The following EPN1 variants were observed in gnomAD, a reference collection of about 807,000 sequenced individuals.
EPN1 encodes epsin 1.
Under a neutral mutation model 56.9 loss-of-function variants are expected in EPN1, and 25 were observed. The observed-to-expected ratio is 0.44, with a 90% CI of 0.32 to 0.61. The LOEUF (loss-of-function observed/expected upper bound fraction) is 0.61. Among genes scored for constraint, EPN1 ranks in the 20% least tolerant of loss-of-function variants. The probability of loss-of-function intolerance (pLI) is 0.05; values close to 1 mark genes in which losing one functional copy is unlikely to be tolerated. For synonymous variants in EPN1, 411 were observed against 361.8 expected (o/e 1.14, Z -1.54); for missense variants, 785 against 823.7 (o/e 0.95, Z 0.58).
In EPN1 at chr19:55,709,123, C is replaced by T. The variant is rs1359863199; in HGVS notation, c.*13767C>T. The T allele has an allele frequency of 1.5e-5, 14 of 913,826 alleles. No individual in the cohort carries two copies. The highest frequency in any genetic ancestry group is 1.4e-4 in the East Asian group (5 of 34,522). 56.6% of individuals were successfully genotyped at this position (913,826 alleles called of 1,614,324 possible). On this transcript the variant is annotated 3_prime_UTR_variant, in exon 11 of 11. Transcript: ENST00000270460. ...TGCCTCTCTACATTCTGATGTCTAC[C>T]TCTCCTCTCCTCTTTATTCTTTCCT... is the stretch of plus-strand genomic sequence containing the variant.
In EPN1 at chr19:55,694,566, C is replaced by T. The variant is rs1568580780; in HGVS notation, c.1265-160C>T. ...ATCTGGGCTGACGTGAGGTTTTGGC[C>T]TGGGCAAGCGATGCTTCCGCTCTGC... On this transcript the variant is annotated intron_variant, in intron 9 of 10. Coordinates refer to ENST00000270460, the MANE Select transcript of EPN1 (RefSeq NM_001130072.2). The surrounding 1 kb of genome is among the most constrained non-coding windows in gnomAD (Gnocchi z 4.2). 2 of 872,620 alleles carry T rather than the reference C, an allele frequency of 2.3e-6. No homozygotes were observed. The highest frequency in any genetic ancestry group is 3.2e-6 in the Non-Finnish European group (2 of 615,438). The allele number at this position is 872,620 out of a possible 1,614,324, so 54.1% of individuals were successfully genotyped here.
intron 2 of EPN1, among the ~76,000 whole-genome samples, chr19:55,682,424 AGTT>A: frequency 6.7e-6 from 1 of 149,682 alleles, no homozygotes; most frequent in South Asian, 2.1e-4. Context: ...TGCATAAAGC[AGTT>A]GTTCATTTAT....
rs983553224 is a variant in EPN1 at position 55,707,062 on chromosome 19, T to TC, written c.*11709dup. 1 of 151,778 alleles carries TC rather than the reference T, an allele frequency of 6.6e-6. No homozygotes were observed. Among genetic ancestry groups the TC allele is most frequent in the African/African-American group, 2.4e-5 (1 of 41,270 alleles). 9.4% of individuals were successfully genotyped at this position (151,778 alleles called of 1,614,324 possible). On this transcript the variant is annotated 3_prime_UTR_variant, in exon 11 of 11. Coordinates refer to ENST00000270460, the MANE Select transcript of EPN1 (RefSeq NM_001130072.2). ...AGGGCATGGTGGCGCATGCCTGAAA[T>TC]CCCAGCTACTCAGGTGGCTGAGACA...
rs1491065676 is a variant in EPN1 at position 55,706,281 on chromosome 19, TTC to T, written c.*10927_*10928del. On this transcript the variant is annotated 3_prime_UTR_variant, in exon 11 of 11. Coordinates refer to ENST00000270460, the MANE Select transcript of EPN1 (RefSeq NM_001130072.2). ...TTCTTCCTTTCTTCTCTTTTTCTTCTTCTTTTTTTTTTTTTTTTAAAAGACCG... is the reference window on the plus strand; with the variant it reads ...TTCTTCCTTTCTTCTCTTTTTCTTCTTTTTTTTTTTTTTTTTAAAAGACCG... 1,284 of 79,816 alleles carry T rather than the reference TTC, an allele frequency of 0.016. 38 individuals are homozygous for T. The highest frequency in any genetic ancestry group is 0.092 in the African/African-American group (1,009 of 10,974). The allele number at this position is 79,816 out of a possible 1,614,324, so 4.9% of individuals were successfully genotyped here.
At chr19:55,693,994 T>C (rs1986747633) in intron 9 of EPN1, 1 of 152,086 alleles carries the variant, frequency 6.6e-6, no homozygotes, top group Non-Finnish European at 1.5e-5. Flanking sequence ...GGTGGGTGGA[T>C]CACCTGAGGT....
rs1352021419 is a variant in EPN1 at position 55,692,077 on chromosome 19, G to A, written c.1066+20G>A. 7.0e-7 allele frequency: 1 copy of A among 1,422,036 alleles called. No homozygotes were observed. The highest frequency in any genetic ancestry group is 9.1e-7 in the Non-Finnish European group (1 of 1,092,982). 88.1% of individuals were successfully genotyped at this position (1,422,036 alleles called of 1,614,324 possible). On this transcript the variant is annotated intron_variant, in intron 7 of 10. Coordinates refer to ENST00000270460, the MANE Select transcript of EPN1 (RefSeq NM_001130072.2). ...CCGATGGTGAGTGCGTGGCCCACTT[G>A]CATGCAGCCCCTACGCCTGTGTGCA...
chr19:55,676,772 CTT>C (rs960372790), intron 1 of EPN1: 25 of 163,456 alleles, frequency 1.5e-4, no homozygotes, highest in East Asian at 1.4e-3. Flanking sequence ...CGCCAGGTCT[CTT>C]TTTGTTTCTG....
Position 55,696,712 on chromosome 19 carries a change from T to C in EPN1, c.*1356T>C, listed in dbSNP as rs915298088. The C allele has an allele frequency of 2.0e-5, 3 of 152,282 alleles. No individual in the cohort carries two copies. Among genetic ancestry groups the C allele is most frequent in the Non-Finnish European group, 4.4e-5 (3 of 68,118 alleles). 9.4% of individuals were successfully genotyped at this position (152,282 alleles called of 1,614,324 possible). On this transcript the variant is annotated 3_prime_UTR_variant, in exon 11 of 11. Transcript: ENST00000270460. ...CAGCCAGTGGAGTGTTGGAGGCCAC[T>C]GAGAGGGACATGACTGCGGTGTCCG...
chr19:55,689,096 C>T lies in EPN1; in HGVS notation c.603+102C>T, dbSNP rs1600104405. ...GTGGGCCTGGCCCTCACTGTCGCTG[C>T]TCCACATGCTGTCACTCGTCTCCTC... is the stretch of plus-strand genomic sequence containing the variant. On this transcript the variant is annotated intron_variant, in intron 4 of 10. Transcript: ENST00000270460. The surrounding 1 kb of genome is among the most constrained non-coding windows in gnomAD (Gnocchi z 5.7). The T allele has an allele frequency of 2.1e-6, 3 of 1,423,200 alleles. No homozygotes were observed. The highest frequency in any genetic ancestry group is 2.5e-5 in the East Asian group (1 of 40,132). 88.2% of individuals were successfully genotyped at this position (1,423,200 alleles called of 1,614,324 possible).
chr19:55,693,001 C>G lies in EPN1; in HGVS notation c.1228C>G (p.Leu410Val), dbSNP rs755806726. The change falls in exon 9 of 11, where the codon CTC becomes GTC. Residue 410 changes from leucine to valine, a missense_variant. By Grantham distance (32) the Leu-to-Val change is conservative. Around this residue, in one of 2 missense-constraint regions of EPN1, gnomAD observed 650 missense variants for 605.0 expected, o/e 1.07. Coordinates refer to ENST00000270460, the MANE Select transcript of EPN1 (RefSeq NM_001130072.2). ...CGACGAGTTCTCTGACTTTGACCGA[C>G]TCCGCACGGCACTGCCGACCTCCGG... ...EPDEFSDFDRLRTALPTSGSS... is the reference protein window; with the variant it reads ...EPDEFSDFDRVRTALPTSGSS... 3 of 1,613,422 alleles carry G rather than the reference C, an allele frequency of 1.9e-6. No homozygotes were observed. The highest frequency in any genetic ancestry group is 2.5e-6 in the Non-Finnish European group (3 of 1,179,628).
chr19:55,676,935 T>G (rs1011068094), intron 1 of EPN1: 6 of 497,668 alleles, frequency 1.2e-5, no homozygotes, highest in African/African-American at 1.2e-4. Context: ...CTATTTCTTC[T>G]CAGTCCCCTT....
In EPN1 at chr19:55,685,665, C is replaced by A. The variant is rs988880645; in HGVS notation, c.478+20C>A. On this transcript the variant is annotated intron_variant, in intron 3 of 10. Transcript: ENST00000270460. ...CCACGGGTGAGTCCCTCCCTGCGGC[C>A]CCTGACGGCCTAGAGTCTGTCCTCC... is the stretch of plus-strand genomic sequence containing the variant. The A allele has an allele frequency of 2.5e-6, 4 of 1,577,668 alleles. No homozygotes were observed. Among genetic ancestry groups the A allele is most frequent in the African/African-American group, 1.4e-5 (1 of 74,036 alleles).
intron 6 of EPN1, among the ~76,000 whole-genome samples, chr19:55,690,910 G>T (rs1986500107): frequency 6.6e-6 from 1 of 152,214 alleles, no homozygotes. Context: ...AGTGACCCGA[G>T]TAAGGGCTGC....
rs1268532752 is a variant in EPN1 at position 55,685,639 on chromosome 19, G to A, written c.472G>A (p.Ala158Thr). Residue 158 changes from alanine to threonine, a missense_variant, in exon 3 of 11, where the codon GCC (alanine) becomes ACC (threonine). Transcript: ENST00000270460. Reference protein sequence around the residue: ...LKTKEKLAQTATASSAAVGSG... With the variant: ...LKTKEKLAQTTTASSAAVGSG... ...GACCAAGGAAAAGCTGGCACAGACC[G>A]CCACGGGTGAGTCCCTCCCTGCGGC... 9 of 1,594,510 alleles carry A rather than the reference G, an allele frequency of 5.6e-6. No individual in the cohort carries two copies. The highest frequency in any genetic ancestry group is 1.3e-5 in the African/African-American group (1 of 74,490).
chr19:55,692,618 A>G (rs915250063), intron 7 of EPN1, 68 bp from the exon 8 acceptor site: 8 of 1,067,114 alleles, frequency 7.5e-6, no homozygotes, highest in Non-Finnish European at 1.1e-5. Flanking sequence ...ATTTGGAGGC[A>G]ATGGTCCTCC....
Position 55,698,808 on chromosome 19 carries a change from C to T in EPN1, c.*3452C>T, listed in dbSNP as rs541343753. 4.7e-4 allele frequency: 71 copies of T among 152,632 alleles called. 2 individuals are homozygous for T. The highest frequency in any genetic ancestry group is 7.6e-4 in the Non-Finnish European group (52 of 68,248). The allele number at this position is 152,632 out of a possible 1,614,324, so 9.5% of individuals were successfully genotyped here. ...GTTGCCAGGCTGGAGTGCAGTGGCA[C>T]GATCTCGGCTCACCGCAACCTCCAC... On this transcript the variant is annotated 3_prime_UTR_variant, in exon 11 of 11. Coordinates refer to ENST00000270460, the MANE Select transcript of EPN1 (RefSeq NM_001130072.2).
At position 55,697,376 on chromosome 19, in the gene EPN1, C is replaced by T. The variant is rs1600113126; in HGVS notation, c.*2020C>T. 1 of 152,198 alleles carries T rather than the reference C, an allele frequency of 6.6e-6. No individual in the cohort carries two copies. Among genetic ancestry groups the T allele is most frequent in the Non-Finnish European group, 1.5e-5 (1 of 68,046 alleles). 9.4% of individuals were successfully genotyped at this position (152,198 alleles called of 1,614,324 possible). On this transcript the variant is annotated 3_prime_UTR_variant, in exon 11 of 11. Transcript: ENST00000270460. ...GCTCCTGGGCCCCTCACTTGTCAGA[C>T]CCTCCATTCACCAAATTAAGGATAA...
At chr19:55,682,917 T>C (rs971802067) in intron 2 of EPN1, among the ~76,000 whole-genome samples, 20 of 152,022 alleles carry the variant, frequency 1.3e-4, no homozygotes, top group African/African-American at 3.6e-4. Flanking sequence ...CCACCACGCC[T>C]GGCTAATTTT....
chr19:55,676,076 C>A (rs376826437), intron 1 of EPN1, among the ~76,000 whole-genome samples: 1 of 152,192 alleles, frequency 6.6e-6, no homozygotes, highest in East Asian at 1.9e-4. Context: ...TGTGTCAAAA[C>A]CTCAGTTTCC....
Sources: allele counts gnomAD v4.1 joint callset (sites outside exome capture counted in the v4.1 genomes callset), GRCh38; gene constraint gnomAD v4.1.1; regional missense constraint gnomAD v4.1.1; non-coding constraint Gnocchi (gnomAD v3.1); transcripts MANE v1.5; gene names NCBI Gene and HGNC (gene_info 2026-07-23, HGNC 2026-07-21).